WNK1: variants seen among roughly 807,000 people sequenced by gnomAD.
WNK1 encodes the protein serine/threonine-protein kinase WNK1.
WNK1 carries 38 observed loss-of-function variants against 222.8 expected under a neutral mutation model. That is an observed-to-expected ratio of 0.17 (90% CI 0.13 to 0.22). The LOEUF is 0.22. Ranked by LOEUF, WNK1 falls within the 10% of genes least tolerant of loss-of-function variation. The pLI is 1.00. For synonymous variants in WNK1, 1,090 were observed against 1,092.9 expected (o/e 1.00, Z 0.05); for missense variants, 2,348 against 2,918.4 (o/e 0.80, Z 4.50).
At chr12:833,323 C>T (rs1016539896) in intron 4 of WNK1, among the ~76,000 whole-genome samples, 2 of 152,128 alleles carry the variant, frequency 1.3e-5, no homozygotes, top group Non-Finnish European at 2.9e-5. Context: ...TTCTTGCTAT[C>T]CTTTCTTGGT....
intron 5 of WNK1, among the ~76,000 whole-genome samples, chr12:857,670 C>G (rs1486175918): frequency 6.6e-6 from 1 of 152,140 alleles, no homozygotes; most frequent in Non-Finnish European, 1.5e-5. Context: ...GCCGTCCTTA[C>G]GCCAGAATTG....
At chr12:825,138 T>C (rs180751575) in intron 2 of WNK1, among the ~76,000 whole-genome samples, 2 of 152,330 alleles carry the variant, frequency 1.3e-5, no homozygotes, top group East Asian at 3.9e-4. Flanking sequence ...ACTCTCAAGA[T>C]AGAGAACATT....
chr12:822,372 C>G (rs1314833687), intron 2 of WNK1, among the ~76,000 whole-genome samples: 1 of 152,094 alleles, frequency 6.6e-6, no homozygotes, highest in South Asian at 2.1e-4. Context: ...GGATTACAGG[C>G]GTAAGCCACC....
intron 1 of WNK1, among the ~76,000 whole-genome samples, chr12:797,570 A>T (rs972503981): frequency 6.6e-6 from 1 of 152,126 alleles, no homozygotes; most frequent in Non-Finnish European, 1.5e-5. Flanking sequence ...CCTATGCCAT[A>T]CTTTTATTTA....
At chr12:777,531 C>T (rs1943252150) in intron 1 of WNK1, among the ~76,000 whole-genome samples, 1 of 152,132 alleles carries the variant, frequency 6.6e-6, no homozygotes, top group African/African-American at 2.4e-5. Flanking sequence ...GAGTTAGGCA[C>T]TTGTGTTACT....
At position 871,329 on chromosome 12, in the gene WNK1, C is replaced by A. The variant is rs760639105; in HGVS notation, c.2204C>A (p.Pro735His). The A allele has an allele frequency of 6.2e-7, 1 of 1,614,120 alleles. No homozygotes were observed. The highest frequency in any genetic ancestry group is 1.1e-5 in the South Asian group (1 of 91,076). ...SSLTGVSSSQ[P>H]IQHPQQQQGI... ...TTAACAGGGGTTTCATCTTCCCAACCCATACAACATCCTCAGCAGGTGAGA... is the reference window on the plus strand; with the variant it reads ...TTAACAGGGGTTTCATCTTCCCAACACATACAACATCCTCAGCAGGTGAGA... The change falls in exon 9 of 28, where the codon CCC becomes CAC. Residue 735 changes from proline to histidine, a missense_variant. By Grantham distance (77) the Pro-to-His change is moderately conservative. Coordinates refer to ENST00000315939, the MANE Select transcript of WNK1 (RefSeq NM_018979.4).
chr12:878,382 T>TTA, intron 10 of WNK1, 21 bp downstream of exon 10: 2 of 1,597,338 alleles, frequency 1.3e-6, no homozygotes, highest in Non-Finnish European at 1.7e-6. Flanking sequence ...TTTTTTTTTT[T>TTA]AAACAGGTAA....
chr12:828,163 G>A (rs903463213), intron 3 of WNK1, among the ~76,000 whole-genome samples: 8 of 151,026 alleles, frequency 5.3e-5, no homozygotes, highest in African/African-American at 7.3e-5. Flanking sequence ...AAAATTAGCC[G>A]GGTGTGGTGG....
chr12:864,872 ATCATGATCATTC>A (rs1375771162), intron 8 of WNK1, among the ~76,000 whole-genome samples: 1 of 152,098 alleles, frequency 6.6e-6, no homozygotes, highest in African/African-American at 2.4e-5. Context: ...ACTGATCATT[ATCATGATCATTC>A]ATTAAACCTG....
intron 8 of WNK1, chr12:868,313 G>T: frequency 6.2e-7 from 1 of 1,612,174 alleles, no homozygotes; most frequent in Non-Finnish European, 8.5e-7. Context: ...CCGGGTGGCA[G>T]AACAGTATGA....
intron 26 of WNK1, chr12:901,533 G>C (rs545072205): frequency 7.8e-7 from 1 of 1,284,806 alleles, no homozygotes; most frequent in East Asian, 5.6e-5. Context: ...TCCTCTCTCT[G>C]TTCTACCCTG....
chr12:877,919 T>G, intron 9 of WNK1: 1 of 422,282 alleles, frequency 2.4e-6, no homozygotes, highest in South Asian at 2.2e-5. Flanking sequence ...GGATATGTTA[T>G]GTAAATGTCT....
chr12:792,256 A>G (rs1349930001), intron 1 of WNK1, among the ~76,000 whole-genome samples: 8 of 150,884 alleles, frequency 5.3e-5, no homozygotes, highest in African/African-American at 2.0e-4. Flanking sequence ...CTACAGTAGT[A>G]TATGTATTAG....
intron 9 of WNK1, among the ~76,000 whole-genome samples, chr12:876,281 C>A (rs930044624): frequency 6.6e-6 from 1 of 152,120 alleles, no homozygotes; most frequent in Admixed American, 6.5e-5. Context: ...TGGTGGCAGG[C>A]GCCTGTAGTC....
chr12:777,149 ATTTTTTTTGTTT>A (rs775694628), intron 1 of WNK1, among the ~76,000 whole-genome samples: 171 of 131,910 alleles, frequency 1.3e-3, no homozygotes, highest in East Asian at 4.5e-3. Flanking sequence ...ATTTGGAGGG[ATTTTTTTTGTTT>A]TTTTTTTTGT....
rs1953612261 is a variant in WNK1 at position 886,033 on chromosome 12, A to G, written c.5229A>G (p.Ser1743=). The G allele has an allele frequency of 6.2e-7, 1 of 1,600,398 alleles. No homozygotes were observed. The highest frequency in any genetic ancestry group is 2.2e-5 in the East Asian group (1 of 44,852). ...QVSTPVSTTT[S]GVKPGTAPSK... ...CTACCCCAGTCAGCACTACTACATCAGGAGTGAAACCTGGAACTGCTCCCT... is the reference window on the plus strand; with the variant it reads ...CTACCCCAGTCAGCACTACTACATCGGGAGTGAAACCTGGAACTGCTCCCT... Residue 1743 remains serine, a synonymous_variant, in exon 19 of 28, where the codon TCA becomes TCG. Transcript: ENST00000315939.
intron 8 of WNK1, chr12:868,051 C>G (rs373921737): frequency 6.2e-7 from 1 of 1,614,020 alleles, no homozygotes; most frequent in Admixed American, 1.7e-5. Flanking sequence ...ACTTCCAACC[C>G]CTGCTGAGGA....
intron 9 of WNK1, among the ~76,000 whole-genome samples, chr12:876,928 G>C (rs1453700862): frequency 1.3e-5 from 2 of 151,958 alleles, no homozygotes; most frequent in African/African-American, 4.8e-5. Flanking sequence ...AATAGGATTA[G>C]GGGTATTTTC....
At chr12:829,793 T>C (rs748441816) in intron 3 of WNK1, 1 of 589,770 alleles carries the variant, frequency 1.7e-6, no homozygotes, top group Non-Finnish European at 3.0e-6. Flanking sequence ...TCCAGTTTCA[T>C]ATAAAGGCCT....
Sources: allele counts gnomAD v4.1 joint callset (sites outside exome capture counted in the v4.1 genomes callset), GRCh38; gene constraint gnomAD v4.1.1; transcripts MANE v1.5; gene names NCBI Gene and HGNC (gene_info 2026-07-23, HGNC 2026-07-21).